The following PCDHA1 variants were observed in gnomAD, a reference collection of about 807,000 sequenced individuals.
The protein encoded by PCDHA1 is protocadherin alpha-1.
A neutral mutation model predicts 61.3 loss-of-function variants in PCDHA1; 42 were observed. The observed-to-expected ratio is 0.69, with a 90% confidence interval of 0.54 to 0.89. PCDHA1 has a LOEUF of 0.89. Ranked by LOEUF, PCDHA1 falls within the 40% of genes least tolerant of loss-of-function variation. The probability of loss-of-function intolerance (pLI) is 0.00; values close to 1 mark genes in which losing one functional copy is unlikely to be tolerated. For missense variants in PCDHA1, 1,256 were observed against 1,235.3 expected (o/e 1.02, Z -0.25); for synonymous variants, 610 against 553.8 (o/e 1.10, Z -1.43).
chr5:140,876,743 T>G, intron 1 of PCDHA1: 5 of 1,614,200 alleles, frequency 3.1e-6, no homozygotes, highest in Non-Finnish European at 4.2e-6. Flanking sequence ...TATGAGCTGG[T>G]GGTGACTGCG....
chr5:140,975,202 T>G (rs143285430), intron 1 of PCDHA1, among the ~76,000 whole-genome samples: 4 of 152,352 alleles, frequency 2.6e-5, no homozygotes, highest in African/African-American at 7.2e-5. Flanking sequence ...TCCATCTTCA[T>G]GGCTGGCACT....
At chr5:140,937,023 A>G (rs2091268625) in intron 1 of PCDHA1, among the ~76,000 whole-genome samples, 1 of 150,410 alleles carries the variant, frequency 6.6e-6, no homozygotes. Flanking sequence ...TTAACAAGGT[A>G]TATTCTTCCA....
intron 1 of PCDHA1, among the ~76,000 whole-genome samples, chr5:140,886,267 A>C (rs1472520900): frequency 6.6e-6 from 1 of 151,960 alleles, no homozygotes; most frequent in African/African-American, 2.4e-5. Context: ...TTTATAGATA[A>C]AATTTTTTAA....
At chr5:140,994,657 A>G (rs2097643468) in intron 3 of PCDHA1, among the ~76,000 whole-genome samples, 1 of 152,166 alleles carries the variant, frequency 6.6e-6, no homozygotes, top group Non-Finnish European at 1.5e-5. Flanking sequence ...GTGAGCTGAG[A>G]TCACACTACT....
At chr5:140,833,531 T>G (rs1772504047) in intron 1 of PCDHA1, among the ~76,000 whole-genome samples, 1 of 152,126 alleles carries the variant, frequency 6.6e-6, no homozygotes, top group Admixed American at 6.6e-5. Context: ...AACACACAAG[T>G]GTTCGAAAGG....
At chr5:141,006,637 T>C (rs782585273) in intron 3 of PCDHA1, among the ~76,000 whole-genome samples, 8 of 152,118 alleles carry the variant, frequency 5.3e-5, no homozygotes, top group Non-Finnish European at 1.2e-4. Flanking sequence ...GCAATTCATA[T>C]AAGAGATGAT....
In PCDHA1 at chr5:140,897,967, T is replaced by G. The variant is rs1277557012; in HGVS notation, c.2395-80982T>G. On this transcript the variant is annotated intron_variant, in intron 1 of 3. Transcript: ENST00000504120. Reference sequence around the variant, plus strand: ...ATGATTAGCATTTTTTCATGTGTCTTTTGGCTGCATAAATGTCTTCTTTTG... The same window carrying G: ...ATGATTAGCATTTTTTCATGTGTCTGTTGGCTGCATAAATGTCTTCTTTTG... Among the ~76,000 whole-genome samples, 3 of 152,364 alleles carry G rather than the reference T, an allele frequency of 2.0e-5. No homozygotes were observed. In the East Asian group the frequency reaches 5.8e-4, roughly 29 times the overall value.
At chr5:140,860,395 G>C (rs1369632482) in intron 1 of PCDHA1, 2 of 151,922 alleles carry the variant, frequency 1.3e-5, no homozygotes, top group African/African-American at 4.8e-5. Context: ...ATTGAAAAAA[G>C]CAAAAGCAAT....
intron 1 of PCDHA1, among the ~76,000 whole-genome samples, chr5:140,951,891 C>T (rs913687305): frequency 1.3e-5 from 2 of 152,110 alleles, no homozygotes; most frequent in Non-Finnish European, 2.9e-5. Context: ...TCTCTTCTGC[C>T]TATGAGCCTG....
rs2150416183 is a variant in PCDHA1, at chr5:140,848,654, G to A, written c.2394+59970G>A. ...TGGGCCGCATCGCGCAGGACCTGGG[G>A]CTGGAGCTGGCGGAGCTGGTGCCGC... On this transcript the variant is annotated intron_variant, in intron 1 of 3. Coordinates refer to ENST00000504120, the MANE Select transcript of PCDHA1 (RefSeq NM_018900.4). The A allele has an allele frequency of 3.8e-6, 6 of 1,592,752 alleles. 1 individual carries two copies. Among genetic ancestry groups the A allele is most frequent in the African/African-American group, 1.3e-5 (1 of 74,466 alleles).
intron 1 of PCDHA1, among the ~76,000 whole-genome samples, chr5:140,885,620 G>A (rs1480920354): frequency 1.3e-5 from 2 of 152,120 alleles, no homozygotes; most frequent in Non-Finnish European, 2.9e-5. Context: ...TATAAAATAT[G>A]TCACTGGATT....
In PCDHA1 at chr5:140,833,781, T is replaced by C. The variant is rs143295216; in HGVS notation, c.2394+45097T>C. Among the ~76,000 whole-genome samples the C allele has an allele frequency of 2.8e-3, 433 of 152,262 alleles. 2 individuals carry two copies. The highest frequency in any genetic ancestry group is 0.01 in the African/African-American group (417 of 41,552). On this transcript the variant is annotated intron_variant, in intron 1 of 3. Transcript: ENST00000504120. ...ACACACACACACCGCTTTCTAAGTT[T>C]CTCTTTCATCAATCAGTAGATTCTT...
intron 1 of PCDHA1, among the ~76,000 whole-genome samples, chr5:140,886,842 A>AAG (rs2061180057): frequency 6.6e-6 from 1 of 151,638 alleles, no homozygotes; most frequent in African/African-American, 2.4e-5. Context: ...AAAAAAAAAA[A>AAG]AAAAAGAAAG....
rs2150340110 is a variant in PCDHA1, at chr5:140,842,596, A to G, written c.2394+53912A>G. On this transcript the variant is annotated intron_variant, in intron 1 of 3. Coordinates refer to ENST00000504120, the MANE Select transcript of PCDHA1 (RefSeq NM_018900.4). ...GAGTGTCGGCCTATGAGTTGGTGGTAACCGCGCGGGACGGGGGCTCGCCTT... is the reference window on the plus strand; with the variant it reads ...GAGTGTCGGCCTATGAGTTGGTGGTGACCGCGCGGGACGGGGGCTCGCCTT... 5.2e-6 allele frequency: 8 copies of G among 1,537,682 alleles called. 1 individual carries two copies. Among genetic ancestry groups the G allele is most frequent in the South Asian group, 3.4e-5 (3 of 88,884 alleles).
intron 3 of PCDHA1, among the ~76,000 whole-genome samples, chr5:140,991,495 A>C (rs1331520722): frequency 6.6e-6 from 1 of 152,220 alleles, no homozygotes; most frequent in Non-Finnish European, 1.5e-5. Flanking sequence ...GTCCACAGTG[A>C]GTTTCACTGG....
chr5:140,849,790 C>G lies in PCDHA1; in HGVS notation c.2394+61106C>G, dbSNP rs2150450402. 2.5e-6 allele frequency: 4 copies of G among 1,598,236 alleles called. 1 individual carries two copies. The highest frequency in any genetic ancestry group is 2.2e-5 in the East Asian group (1 of 44,828). ...GTGGTTACCGCGCGGGACGGGGGCT[C>G]GCCTTCACTGTGGGCCACGGCCAGG... On this transcript the variant is annotated intron_variant, in intron 1 of 3. Transcript: ENST00000504120.
At chr5:140,836,431 C>G (rs2150260872) in intron 1 of PCDHA1, 14 of 1,613,820 alleles carry the variant, frequency 8.7e-6, no homozygotes, top group Admixed American at 1.7e-5. Flanking sequence ...TCGCGGGCAT[C>G]GTTGGGCATT....
rs150822529 is a variant in PCDHA1 at position 140,836,094 on chromosome 5, G to A, written c.2394+47410G>A. 2.0e-4 allele frequency: 328 copies of A among 1,613,708 alleles called. No individual in the cohort carries two copies. Among genetic ancestry groups the A allele is most frequent in the Admixed American group, 3.7e-4 (22 of 60,012 alleles). ...GCCGGCACTGCTGGCGCCTCGGGTG[G>A]GTGGCACTGGTGGCGCAGTGAGAGA... On this transcript the variant is annotated intron_variant, in intron 1 of 3. Transcript: ENST00000504120.
intron 1 of PCDHA1, chr5:140,843,861 G>T: frequency 1.1e-6 from 1 of 908,292 alleles, no homozygotes; most frequent in South Asian, 1.8e-5. Context: ...ATAATTAATT[G>T]AATTTTCTCA....
Sources: allele counts gnomAD v4.1 joint callset (sites outside exome capture counted in the v4.1 genomes callset), GRCh38; gene constraint gnomAD v4.1.1; transcripts MANE v1.5; gene names NCBI Gene and HGNC (gene_info 2026-07-23, HGNC 2026-07-21).